Variants in MPPED2 observed in about 807,000 individuals in gnomAD.
MPPED2 encodes metallophosphoesterase domain containing 2, also known as metallophosphoesterase MPPED2.
MPPED2 carries 5 observed loss-of-function variants against 33.0 expected under a neutral mutation model. That is an observed-to-expected ratio of 0.15 (90% CI 0.08 to 0.32). MPPED2 has a LOEUF of 0.32. Ranked by LOEUF, MPPED2 falls within the 10% of genes least tolerant of loss-of-function variation. The pLI, the probability that MPPED2 is intolerant of heterozygous loss-of-function variation, is 1.00. For missense variants in MPPED2, 275 were observed against 372.1 expected (o/e 0.74, Z 2.15); for synonymous variants, 136 against 141.9 (o/e 0.96, Z 0.29).
At chr11:30,407,872 T>C (rs1447143299), downstream of MPPED2, among the ~76,000 whole-genome samples, 4 of 151,792 alleles carry the variant, frequency 2.6e-5, no homozygotes, top group Non-Finnish European at 5.9e-5. Context: ...CTCTGTCAAA[T>C]AAATAAGTAA....
intron 4 of MPPED2, among the ~76,000 whole-genome samples, chr11:30,481,230 T>G (rs969536052): frequency 2.0e-5 from 3 of 152,128 alleles, no homozygotes; most frequent in Non-Finnish European, 4.4e-5. Flanking sequence ...TCTGTTCCAG[T>G]CAACTGCACC....
chr11:30,462,782 T>A (rs960232048), intron 4 of MPPED2, among the ~76,000 whole-genome samples: 1 of 152,196 alleles, frequency 6.6e-6, no homozygotes, highest in African/African-American at 2.4e-5. Context: ...AGTAAATAGA[T>A]GTATTTATTA....
At chr11:30,571,169 A>T (rs1378094233) in intron 2 of MPPED2, among the ~76,000 whole-genome samples, 6 of 149,680 alleles carry the variant, frequency 4.0e-5, no homozygotes, top group East Asian at 1.9e-4. Flanking sequence ...TTTTTTTTTT[A>T]AACTAGTTTC....
rs185724018 is a variant in MPPED2, at chr11:30,498,327, G to A, written c.311-2806C>T. On this transcript the variant is annotated intron_variant, in intron 3 of 6. Transcript: ENST00000358117. ...CAGCCGGGCACGGTGGCTCACACCC[G>A]GAATCCCAGCACTTTGGGAGGTCAA... 3.3e-3 allele frequency among the ~76,000 whole-genome samples: 501 copies of A among 152,084 alleles called. 3 individuals are homozygous for A. The highest frequency in any genetic ancestry group is 6.8e-3 in the African/African-American group (284 of 41,494).
At chr11:30,454,162 T>C (rs1362353584) in intron 4 of MPPED2, among the ~76,000 whole-genome samples, 1 of 152,222 alleles carries the variant, frequency 6.6e-6, no homozygotes, top group African/African-American at 2.4e-5. Context: ...TGCACCTTAA[T>C]CCTGATGACA....
At chr11:30,543,560 A>G (rs1016478886) in intron 2 of MPPED2, among the ~76,000 whole-genome samples, 7 of 152,186 alleles carry the variant, frequency 4.6e-5, no homozygotes, top group African/African-American at 1.7e-4. Flanking sequence ...ATTTTATTTT[A>G]TGCTTTCCCA....
chr11:30,468,672 T>C (rs1950822918), intron 4 of MPPED2, among the ~76,000 whole-genome samples: 2 of 152,168 alleles, frequency 1.3e-5, no homozygotes, highest in Non-Finnish European at 2.9e-5. Flanking sequence ...GGAACCTCCA[T>C]ATTGTGTCTG....
At chr11:30,404,693 T>C (rs1440848421) in intron 6 of MPPED2, among the ~76,000 whole-genome samples, 1 of 152,250 alleles carries the variant, frequency 6.6e-6, no homozygotes, top group Non-Finnish European at 1.5e-5. Context: ...CATCTTTTAT[T>C]ACCATTTACC....
At chr11:30,514,928 C>G (rs1478706308) in intron 3 of MPPED2, among the ~76,000 whole-genome samples, 2 of 152,096 alleles carry the variant, frequency 1.3e-5, no homozygotes, top group African/African-American at 4.8e-5. Flanking sequence ...AAACTCATCT[C>G]TACTAAAACT....
intron 3 of MPPED2, among the ~76,000 whole-genome samples, chr11:30,499,653 C>A (rs1316380095): frequency 1.3e-5 from 2 of 152,120 alleles, no homozygotes; most frequent in East Asian, 3.9e-4. Context: ...AAACAAACAA[C>A]CCTTGACACA....
At chr11:30,404,816 T>A (rs534726202) in intron 6 of MPPED2, among the ~76,000 whole-genome samples, 1 of 152,374 alleles carries the variant, frequency 6.6e-6, no homozygotes, top group East Asian at 1.9e-4. Flanking sequence ...TGGTGTTCAG[T>A]AAATATTTGT....
intron 3 of MPPED2, among the ~76,000 whole-genome samples, chr11:30,532,843 T>A (rs914341846): frequency 1.3e-5 from 2 of 152,204 alleles, no homozygotes; most frequent in African/African-American, 4.8e-5. Flanking sequence ...CTGTTACTCC[T>A]ACTAGGTGAC....
intron 2 of MPPED2, among the ~76,000 whole-genome samples, chr11:30,557,626 A>G (rs1423851795): frequency 6.6e-6 from 1 of 152,222 alleles, no homozygotes; most frequent in Non-Finnish European, 1.5e-5. Flanking sequence ...CAATCAATAA[A>G]CATCTCTAAC....
chr11:30,392,112 T>C (rs1430369580), intron 6 of MPPED2, among the ~76,000 whole-genome samples: 1 of 152,262 alleles, frequency 6.6e-6, no homozygotes, highest in Non-Finnish European at 1.5e-5. Flanking sequence ...TTCCTTCCAC[T>C]TTGAATTTCT....
chr11:30,425,031 C>T lies in MPPED2; in HGVS notation c.537-7398G>A, dbSNP rs545780210. Among the ~76,000 whole-genome samples, 9 of 152,280 alleles carry T rather than the reference C, an allele frequency of 5.9e-5. No homozygotes were observed. In the East Asian group the frequency reaches 1.2e-3, roughly 20 times the overall value. On this transcript the variant is annotated intron_variant, in intron 4 of 6. Transcript: ENST00000358117. ...GCTGTCTGATCCCATCTCTTCACTA[C>T]GACTTTGTAGCTTGGTCTTTCGTTA...
At chr11:30,547,453 T>C (rs1407924361) in intron 2 of MPPED2, among the ~76,000 whole-genome samples, 3 of 152,218 alleles carry the variant, frequency 2.0e-5, no homozygotes, top group East Asian at 1.9e-4. Context: ...CTCTGTGTGA[T>C]GTTTGTGTAT....
intron 3 of MPPED2, among the ~76,000 whole-genome samples, chr11:30,511,396 T>C (rs1174353801): frequency 2.6e-5 from 4 of 152,150 alleles, no homozygotes; most frequent in Admixed American, 6.6e-5. Context: ...ACTCAGATTA[T>C]AACTGCAAGG....
chr11:30,386,860 T>C (rs745766887), exon 7 of MPPED2: 15 of 398,230 alleles, frequency 3.8e-5, no homozygotes, highest in Non-Finnish European at 5.8e-5. Flanking sequence ...ATAGTAGTAG[T>C]AGTAGTAATA....
intron 4 of MPPED2, chr11:30,452,097 G>A: frequency 1.0e-6 from 1 of 985,344 alleles, no homozygotes; most frequent in Non-Finnish European, 1.2e-6. Context: ...TGGAAAGAAA[G>A]CAGAAAGCAG....
Sources: allele counts gnomAD v4.1 joint callset (sites outside exome capture counted in the v4.1 genomes callset), GRCh38; gene constraint gnomAD v4.1.1; transcripts MANE v1.5; gene names NCBI Gene and HGNC (gene_info 2026-07-23, HGNC 2026-07-21).